KIT: variants seen among roughly 807,000 people sequenced by gnomAD.
KIT encodes mast/stem cell growth factor receptor Kit.
In KIT, 16 loss-of-function variants were observed where a neutral mutation model predicts 105.7. That is an observed-to-expected ratio of 0.15 (90% CI 0.10 to 0.23). KIT has a LOEUF of 0.23. Among genes scored for constraint, KIT ranks in the 10% least tolerant of loss-of-function variants. The pLI is 1.00. For missense variants in KIT, 858 were observed against 1,213.8 expected (o/e 0.71, Z 4.36); for synonymous variants, 438 against 441.1 (o/e 0.99, Z 0.09).
At chr4:54,732,428 T>C (rs545057725) in intron 16 of KIT, among the ~76,000 whole-genome samples, 1 of 152,210 alleles carries the variant, frequency 6.6e-6, no homozygotes, top group South Asian at 2.1e-4. Flanking sequence ...GTGTGGCTTA[T>C]GAAGTGTCAG....
intron 8 of KIT, among the ~76,000 whole-genome samples, chr4:54,724,320 T>C (rs988101806): frequency 6.6e-6 from 1 of 152,206 alleles, no homozygotes; most frequent in Non-Finnish European, 1.5e-5. Context: ...TATTTTATGC[T>C]CAGGCTTTAA....
In KIT at chr4:54,728,102, T is replaced by C. The variant is rs757803641; in HGVS notation, c.1971T>C (p.Leu657=). 1 of 1,612,960 alleles carries C rather than the reference T, an allele frequency of 6.2e-7. No individual in the cohort carries two copies. The highest frequency in any genetic ancestry group is 1.1e-5 in the South Asian group (1 of 91,066). ...ATCACATGAATATTGTGAATCTACTTGGAGCCTGCACCATTGGAGGTAAAG... is the reference window on the plus strand; with the variant it reads ...ATCACATGAATATTGTGAATCTACTCGGAGCCTGCACCATTGGAGGTAAAG... The part of the protein sequence containing the change: ...LGNHMNIVNL[L]GACTIGGPTL... Residue 657 remains leucine, a synonymous_variant, in exon 13 of 21, where the codon CTT becomes CTC. Transcript: ENST00000288135.
intron 1 of KIT, among the ~76,000 whole-genome samples, chr4:54,667,510 A>G (rs939926738): frequency 1.3e-5 from 2 of 152,198 alleles, no homozygotes; most frequent in African/African-American, 4.8e-5. Flanking sequence ...CACTTCTTGA[A>G]TGGCCAATTG....
chr4:54,674,018 G>A (rs1196216296), intron 1 of KIT, among the ~76,000 whole-genome samples: 11 of 152,200 alleles, frequency 7.2e-5, no homozygotes, highest in Non-Finnish European at 1.5e-4. Flanking sequence ...CAATTCAGCC[G>A]CCTTGGCCTC....
At chr4:54,697,336 G>A (rs1347151468) in intron 2 of KIT, among the ~76,000 whole-genome samples, 2 of 152,180 alleles carry the variant, frequency 1.3e-5, no homozygotes, top group Non-Finnish European at 2.9e-5. Flanking sequence ...AGTTCATTTT[G>A]TGAAACACCT....
At chr4:54,707,368 G>T in intron 6 of KIT, 81 bp downstream of exon 6, 2 of 994,788 alleles carry the variant, frequency 2.0e-6, no homozygotes, top group East Asian at 2.5e-5. Context: ...TCTGTAACCC[G>T]TAAATCCACG....
At chr4:54,720,727 T>A (rs752995921) in intron 7 of KIT, among the ~76,000 whole-genome samples, 106 of 152,232 alleles carry the variant, frequency 7.0e-4, no homozygotes, top group Non-Finnish European at 1.2e-3. Flanking sequence ...CATGTAGTGT[T>A]ATGAGCATTA....
rs544352617 is a variant in KIT at position 54,712,928 on chromosome 4, C to T, written c.1231+3389C>T. 3.9e-5 allele frequency among the ~76,000 whole-genome samples: 6 copies of T among 152,208 alleles called. No individual in the cohort carries two copies. The South Asian group carries it at 1.2e-3, about 32-fold the overall frequency. ...AACAAACTGACAGAGGCATTTATTTCACTTACCTAACACGTTGGATTTATT... is the reference window on the plus strand; with the variant it reads ...AACAAACTGACAGAGGCATTTATTTTACTTACCTAACACGTTGGATTTATT... On this transcript the variant is annotated intron_variant, in intron 7 of 20. Transcript: ENST00000288135.
Position 54,737,286 on chromosome 4 carries a change from T to G in KIT, c.2802+6T>G. The G allele has an allele frequency of 6.3e-7, 1 of 1,580,296 alleles. No individual in the cohort carries two copies. The highest frequency in any genetic ancestry group is 8.7e-7 in the Non-Finnish European group (1 of 1,149,198). On this transcript the variant is annotated splice_donor_region_variant and intron_variant, in intron 20 of 20. Coordinates refer to ENST00000288135, the MANE Select transcript of KIT (RefSeq NM_000222.3). ...TTTCAGAGAGCACCAATCATGTGAGTATACCCTGGCCAGGCATAGAATCCC... is the reference window on the plus strand; with the variant it reads ...TTTCAGAGAGCACCAATCATGTGAGGATACCCTGGCCAGGCATAGAATCCC...
Position 54,673,906 on chromosome 4 carries a change from A to C in KIT, c.67+15825A>C, listed in dbSNP as rs932434436. Among the ~76,000 whole-genome samples, 25 of 152,122 alleles carry C rather than the reference A, an allele frequency of 1.6e-4. 1 individual carries two copies. The highest frequency in any genetic ancestry group is 1.4e-3 in the Admixed American group (22 of 15,284). Reference sequence around the variant, plus strand: ...TGCCTCAGCCTCCCGAGTAGCTGGGATTATAGGCATGTGCCACCACGCCCA... The same window carrying C: ...TGCCTCAGCCTCCCGAGTAGCTGGGCTTATAGGCATGTGCCACCACGCCCA... On this transcript the variant is annotated intron_variant, in intron 1 of 20. Transcript: ENST00000288135.
intron 5 of KIT, among the ~76,000 whole-genome samples, chr4:54,706,085 G>A (rs778491989): frequency 1.4e-4 from 21 of 151,224 alleles, no homozygotes; most frequent in African/African-American, 4.4e-4. Flanking sequence ...TTATTTAACC[G>A]GTTTTCTATT....
chr4:54,723,609 C>T lies in KIT; in HGVS notation c.1257C>T (p.Asp419=), dbSNP rs1165367332. 4.3e-6 allele frequency: 7 copies of T among 1,613,884 alleles called. No homozygotes were observed. Among genetic ancestry groups the T allele is most frequent in the Non-Finnish European group, 5.1e-6 (6 of 1,179,900 alleles). ...CAAAACCAGAAATCCTGACTTACGA[C>T]AGGCTCGTGAATGGCATGCTCCAAT... is the stretch of plus-strand genomic sequence containing the variant. ...VNTKPEILTY[D]RLVNGMLQCV... The change falls in exon 8 of 21, where the codon GAC becomes GAT. Residue 419 remains aspartate, a synonymous_variant. Transcript: ENST00000288135.
At position 54,737,212 on chromosome 4, in the gene KIT, C is replaced by T. The variant is rs1199268527; in HGVS notation, c.2734C>T (p.Leu912=). ...GAAGACTTGCTGGGATGCAGATCCC[C>T]TAAAAAGACCAACATTCAAGCAAAT... is the stretch of plus-strand genomic sequence containing the variant. ...IMKTCWDADP[L]KRPTFKQIVQ... Residue 912 remains leucine, a synonymous_variant, in exon 20 of 21, where the codon CTA becomes TTA. Coordinates refer to ENST00000288135, the MANE Select transcript of KIT (RefSeq NM_000222.3). The T allele has an allele frequency of 1.2e-6, 2 of 1,613,740 alleles. No individual in the cohort carries two copies. The highest frequency in any genetic ancestry group is 2.2e-5 in the East Asian group (1 of 44,870).
At chr4:54,683,190 T>C (rs1719071733) in intron 1 of KIT, among the ~76,000 whole-genome samples, 1 of 152,230 alleles carries the variant, frequency 6.6e-6, no homozygotes, top group African/African-American at 2.4e-5. Context: ...TTAGAATTGT[T>C]AGTGGCTTTA....
intron 4 of KIT, among the ~76,000 whole-genome samples, chr4:54,700,600 C>T (rs1720395092): frequency 6.6e-6 from 1 of 152,184 alleles, no homozygotes; most frequent in African/African-American, 2.4e-5. Flanking sequence ...AGTTAATTAG[C>T]TATCACAGTG....
Position 54,658,101 on chromosome 4 carries a change from A to G in KIT, c.67+20A>G, listed in dbSNP as rs2109521767. On this transcript the variant is annotated intron_variant, in intron 1 of 20. Transcript: ENST00000288135. ...AGACAGGTGGGACACCGCGGCTGGC[A>G]CCCCGACCGTGCGACTACTCGGCGA... 6.2e-7 allele frequency: 1 copy of G among 1,612,492 alleles called. No homozygotes were observed. Among genetic ancestry groups the G allele is most frequent in the Non-Finnish European group, 8.5e-7 (1 of 1,178,888 alleles).
chr4:54,723,539 G>A (rs370492511), intron 7 of KIT, 45 bp from the exon 8 acceptor site: 1 of 1,281,842 alleles, frequency 7.8e-7, no homozygotes, highest in Non-Finnish European at 1.1e-6. Context: ...ATGTTGCTGA[G>A]GTTTTCCAGC....
intron 1 of KIT, among the ~76,000 whole-genome samples, chr4:54,692,399 A>G (rs1194133999): frequency 1.3e-5 from 2 of 152,182 alleles, no homozygotes; most frequent in East Asian, 3.8e-4. Flanking sequence ...TTGGACACAG[A>G]GTTAGGGTGA....
At chr4:54,723,811 G>GT (rs922337473) in intron 8 of KIT, 113 bp downstream of exon 8, 80 of 762,060 alleles carry the variant, frequency 1.0e-4, no homozygotes, top group African/African-American at 1.7e-4. Context: ...TTTGATTATT[G>GT]TTTTTTTTCT....
Sources: gnomAD v4.1 joint callset for allele counts (sites outside exome capture counted in the v4.1 genomes callset) on GRCh38, gnomAD v4.1.1 for gene constraint, MANE v1.5 for transcripts, NCBI Gene and HGNC (gene_info 2026-07-23, HGNC 2026-07-21) for gene names.